Variants in PRKCB observed in about 807,000 individuals in gnomAD.
PRKCB encodes the protein protein kinase C beta.
Under a neutral mutation model 81.5 loss-of-function variants are expected in PRKCB, and 13 were observed. The ratio of observed to expected loss-of-function variants is 0.16; its 90% CI spans 0.10 to 0.25. The LOEUF is 0.25. Ranked by LOEUF, PRKCB falls within the 10% of genes least tolerant of loss-of-function variation. The probability of loss-of-function intolerance (pLI) is 1.00; values close to 1 mark genes in which losing one functional copy is unlikely to be tolerated. For synonymous variants in PRKCB, 335 were observed against 321.4 expected (o/e 1.04, Z -0.45); for missense variants, 509 against 875.7 (o/e 0.58, Z 5.29).
chr16:24,133,673 C>G (rs1051565495), intron 9 of PRKCB, among the ~76,000 whole-genome samples: 2 of 152,216 alleles, frequency 1.3e-5, no homozygotes, highest in African/African-American at 4.8e-5. Context: ...AAGGACCATG[C>G]CATGGATTTG....
At position 24,217,086 on chromosome 16, in the gene PRKCB, G is replaced by GAGAA; in HGVS notation, c.*2277_*2280dup. On this transcript the variant is annotated 3_prime_UTR_variant, in exon 17 of 17. Transcript: ENST00000643927. ...GAAAACAATGTAGGATGAATGGAAA[G>GAGAA]AGAAAGAAAGGAAAGAAAGAAGAAA... is the stretch of plus-strand genomic sequence containing the variant. 1 of 981,508 alleles carries GAGAA rather than the reference G, an allele frequency of 1.0e-6. No individual in the cohort carries two copies. Among genetic ancestry groups the GAGAA allele is most frequent in the Non-Finnish European group, 1.2e-6 (1 of 829,018 alleles). The allele number at this position is 981,508 out of a possible 1,614,324, so 60.8% of individuals were successfully genotyped here. A position where few individuals can be genotyped will look rare whatever the true frequency, so the allele number is the denominator to read the frequency against.
intron 3 of PRKCB, among the ~76,000 whole-genome samples, chr16:24,021,346 CCTTCCTTCCT>C (rs1965398361): frequency 1.3e-5 from 1 of 77,792 alleles, no homozygotes; most frequent in African/African-American, 6.0e-5. Context: ...TTCCTTCCTT[CCTTCCTTCCT>C]CCTTCCCTCC....
At chr16:23,975,683 C>G (rs1252397156) in intron 2 of PRKCB, among the ~76,000 whole-genome samples, 1 of 152,138 alleles carries the variant, frequency 6.6e-6, no homozygotes, top group African/African-American at 2.4e-5. Flanking sequence ...CTCAACTTTC[C>G]TGAATTCACC....
At chr16:23,984,035 A>G (rs1422857970) in intron 2 of PRKCB, among the ~76,000 whole-genome samples, 1 of 152,220 alleles carries the variant, frequency 6.6e-6, no homozygotes, top group East Asian at 1.9e-4. Flanking sequence ...ACCACTTAGA[A>G]ACTTGATACA....
intron 2 of PRKCB, among the ~76,000 whole-genome samples, chr16:23,941,297 A>G (rs1964138186): frequency 6.6e-6 from 1 of 152,228 alleles, no homozygotes; most frequent in Non-Finnish European, 1.5e-5. Context: ...GAAGGAAGTA[A>G]TGAAAGTTTT....
In PRKCB at chr16:24,037,108, C is replaced by T. The variant is rs140532669; in HGVS notation, c.529+1561C>T. The stretch of plus-strand genomic sequence containing the variant: ...GGTTCAAGCGATTCTCCTGCCTCAG[C>T]CTCCTGAGTAGCTGGGATTACAGGC... On this transcript the variant is annotated intron_variant, in intron 5 of 16. Transcript: ENST00000643927. 7.3e-3 allele frequency among the ~76,000 whole-genome samples: 1,115 copies of T among 152,274 alleles called. 17 individuals carry two copies. Among genetic ancestry groups the T allele is most frequent in the African/African-American group, 0.026 (1,075 of 41,542 alleles).
In PRKCB at chr16:24,180,778, TG is replaced by T; in HGVS notation, c.1395-11del. ...GTTTAATTAAATCTCTAAATTCTTGTGTCTGCCATAGTGACCTAAAACTTGA... is the reference window on the plus strand; with the variant it reads ...GTTTAATTAAATCTCTAAATTCTTGTTCTGCCATAGTGACCTAAAACTTGA... On this transcript the variant is annotated splice_polypyrimidine_tract_variant and intron_variant, in intron 12 of 16. Coordinates refer to ENST00000643927, the MANE Select transcript of PRKCB (RefSeq NM_002738.7). The T allele has an allele frequency of 6.2e-7, 1 of 1,612,320 alleles. No homozygotes were observed. The highest frequency in any genetic ancestry group is 8.5e-7 in the Non-Finnish European group (1 of 1,179,050).
chr16:24,189,641 CAAAAAAAAAAAA>C (rs10605364), intron 15 of PRKCB, among the ~76,000 whole-genome samples: 1 of 83,336 alleles, frequency 1.2e-5, no homozygotes, highest in African/African-American at 4.3e-5. Flanking sequence ...GACTCCGTCT[CAAAAAAAAAAAA>C]AAAAAAAAAG....
At chr16:24,050,306 C>T (rs1965824624) in intron 5 of PRKCB, among the ~76,000 whole-genome samples, 1 of 152,170 alleles carries the variant, frequency 6.6e-6, no homozygotes. Context: ...GGAACTCTTC[C>T]TAGACAACAC....
At chr16:23,980,718 G>T (rs749867596) in intron 2 of PRKCB, among the ~76,000 whole-genome samples, 21 of 151,984 alleles carry the variant, frequency 1.4e-4, no homozygotes, top group Non-Finnish European at 2.4e-4. Context: ...TAAGGGTAAA[G>T]GTTGCTTCCT....
At chr16:24,037,507 ATTT>A (rs1349917862) in intron 5 of PRKCB, among the ~76,000 whole-genome samples, 1 of 152,144 alleles carries the variant, frequency 6.6e-6, no homozygotes. Context: ...CAGAAAACAC[ATTT>A]CCTCACCTAG....
chr16:23,850,339 A>C (rs544363523), intron 2 of PRKCB, among the ~76,000 whole-genome samples: 2 of 149,968 alleles, frequency 1.3e-5, no homozygotes, highest in African/African-American at 4.9e-5. Flanking sequence ...TATGCCCAGA[A>C]GTGGGATTAC....
chr16:23,848,919 A>G (rs2141080746), intron 2 of PRKCB, among the ~76,000 whole-genome samples: 1 of 152,298 alleles, frequency 6.6e-6, no homozygotes, highest in East Asian at 1.9e-4. Flanking sequence ...TACTGAGTTT[A>G]TAATCCTGTT....
intron 2 of PRKCB, among the ~76,000 whole-genome samples, chr16:23,986,279 G>T (rs1280492781): frequency 6.6e-6 from 1 of 151,966 alleles, no homozygotes; most frequent in East Asian, 1.9e-4. Context: ...TTTGAAACAG[G>T]GTCTCATTAG....
intron 2 of PRKCB, among the ~76,000 whole-genome samples, chr16:23,960,987 C>T (rs546861518): frequency 7.9e-5 from 12 of 152,348 alleles, no homozygotes; most frequent in East Asian, 1.9e-4. Context: ...TTTTGTGACA[C>T]GTAATAGAAT....
chr16:24,122,650 G>A (rs188183977), intron 8 of PRKCB, among the ~76,000 whole-genome samples: 17 of 152,186 alleles, frequency 1.1e-4, no homozygotes, highest in Admixed American at 6.5e-4. Context: ...TGTAGAGACA[G>A]GGTCTTGTTA....
At position 24,031,994 on chromosome 16, in the gene PRKCB, C is replaced by A. The variant is rs569689466; in HGVS notation, c.289-142C>A. 70 of 581,998 alleles carry A rather than the reference C, an allele frequency of 1.2e-4. No homozygotes were observed. The Middle Eastern group carries it at 1.8e-3, about 15-fold the overall frequency. 36.1% of individuals were successfully genotyped at this position (581,998 alleles called of 1,614,324 possible). On this transcript the variant is annotated intron_variant, in intron 3 of 16. Coordinates refer to ENST00000643927, the MANE Select transcript of PRKCB (RefSeq NM_002738.7). ...CAGCACCGTTTCTGGGCACAGGGCTCCAGCGATGGTCCCAACAGGTACAAT... is the reference window on the plus strand; with the variant it reads ...CAGCACCGTTTCTGGGCACAGGGCTACAGCGATGGTCCCAACAGGTACAAT...
At chr16:23,836,622 G>C (rs1567284406) in intron 1 of PRKCB, among the ~76,000 whole-genome samples, 1 of 151,554 alleles carries the variant, frequency 6.6e-6, no homozygotes. Flanking sequence ...GCGGCGTCGC[G>C]GGAGCCTTTG....
At chr16:24,204,091 A>C (rs997985795) in intron 16 of PRKCB, among the ~76,000 whole-genome samples, 1 of 151,742 alleles carries the variant, frequency 6.6e-6, no homozygotes, top group African/African-American at 2.4e-5. Flanking sequence ...TGTCAGACTT[A>C]CTCACTGGAC....
Sources: allele counts gnomAD v4.1 joint callset (sites outside exome capture counted in the v4.1 genomes callset), GRCh38; gene constraint gnomAD v4.1.1; transcripts MANE v1.5; gene names NCBI Gene and HGNC (gene_info 2026-07-23, HGNC 2026-07-21).